Variants in FER observed in about 807,000 individuals in gnomAD.
The protein encoded by FER is FER tyrosine kinase, also known as tyrosine-protein kinase Fer.
In FER, 63 loss-of-function variants were observed where a neutral mutation model predicts 111.0. That is an observed-to-expected ratio of 0.57 (90% confidence interval 0.46 to 0.70). FER has a LOEUF of 0.70. FER is among the 30% of genes least tolerant of loss of function. The pLI, the probability that FER is intolerant of heterozygous loss-of-function variation, is 0.00. For synonymous variants in FER, 327 were observed against 313.9 expected, an observed-to-expected ratio of 1.04 and a Z score of -0.44; for missense variants, 914 against 954.0, an observed-to-expected ratio of 0.96 and a Z score of 0.55.
chr5:109,095,649 G>A (rs1481015064), intron 16 of FER, among the ~76,000 whole-genome samples: 1 of 152,064 alleles, frequency 6.6e-6, no homozygotes, highest in Non-Finnish European at 1.5e-5. Context: ...AGCATTCATT[G>A]TCGTTTATAT....
intron 17 of FER, among the ~76,000 whole-genome samples, chr5:109,170,977 C>T (rs1346112946): frequency 4.6e-5 from 7 of 152,098 alleles, no homozygotes; most frequent in Admixed American, 2.0e-4. Context: ...ACCATGGACC[C>T]GTGGTTCCTC....
chr5:109,018,907 A>C (rs1052175203), intron 13 of FER, among the ~76,000 whole-genome samples: 2 of 151,600 alleles, frequency 1.3e-5, no homozygotes, highest in African/African-American at 4.8e-5. Flanking sequence ...AACCTTGATT[A>C]CTGTGGGTAG....
At chr5:109,003,679 T>TA (rs1305192604) in intron 13 of FER, among the ~76,000 whole-genome samples, 29 of 151,704 alleles carry the variant, frequency 1.9e-4, no homozygotes, top group Non-Finnish European at 3.5e-4. Context: ...AATTTAAATT[T>TA]AAAAAATTAA....
intron 5 of FER, among the ~76,000 whole-genome samples, chr5:108,860,568 C>T (rs1346543511): frequency 2.6e-5 from 4 of 152,172 alleles, no homozygotes; most frequent in African/African-American, 9.7e-5. Context: ...TTCATTGTTT[C>T]TACATATCAC....
chr5:108,798,712 GTAGCATGTGACTGTAGTCCTAGC>G (rs752932797), intron 3 of FER, among the ~76,000 whole-genome samples: 13 of 152,280 alleles, frequency 8.5e-5, no homozygotes, highest in Non-Finnish European at 1.3e-4. Flanking sequence ...GCTGGGCGTG[GTAGCATGTGACTGTAGTCCTAGC>G]TACTTGGGAG....
At chr5:108,887,382 A>G (rs1747341210) in intron 9 of FER, among the ~76,000 whole-genome samples, 1 of 151,662 alleles carries the variant, frequency 6.6e-6, no homozygotes, top group African/African-American at 2.4e-5. Context: ...GATTCCTATA[A>G]TTGAATAATA....
At chr5:108,850,393 A>C (rs1209787112) in intron 5 of FER, among the ~76,000 whole-genome samples, 3 of 152,024 alleles carry the variant, frequency 2.0e-5, no homozygotes, top group Admixed American at 2.0e-4. Context: ...TAAATAATTG[A>C]AGTTTTTGTA....
chr5:109,162,272 G>A (rs779430654), intron 17 of FER, among the ~76,000 whole-genome samples: 27 of 151,938 alleles, frequency 1.8e-4, no homozygotes, highest in South Asian at 4.2e-4. Context: ...GAGTTCTTTC[G>A]TTTGAAAGAA....
chr5:109,176,492 G>C (rs1757705344), intron 17 of FER, among the ~76,000 whole-genome samples: 1 of 152,122 alleles, frequency 6.6e-6, no homozygotes, highest in Non-Finnish European at 1.5e-5. Flanking sequence ...GTAGAGAGGT[G>C]GGGAGGATGG....
intron 10 of FER, among the ~76,000 whole-genome samples, chr5:108,912,850 A>C (rs910155733): frequency 1.3e-5 from 2 of 152,186 alleles, no homozygotes; most frequent in Admixed American, 1.3e-4. Flanking sequence ...AGTAGCTATC[A>C]AGTGTGGTCT....
intron 5 of FER, among the ~76,000 whole-genome samples, chr5:108,845,870 A>T (rs949320429): frequency 2.6e-5 from 4 of 152,198 alleles, no homozygotes; most frequent in Non-Finnish European, 5.9e-5. Context: ...AGATAAATAG[A>T]TACCTATTTT....
At chr5:109,011,662 A>AT (rs35958224) in intron 13 of FER, among the ~76,000 whole-genome samples, 2 of 151,482 alleles carry the variant, frequency 1.3e-5, no homozygotes, top group Non-Finnish European at 2.9e-5. Context: ...TCTTGCTTTT[A>AT]TTTTTTTGAA....
chr5:109,159,904 G>A (rs1173633547), intron 17 of FER, among the ~76,000 whole-genome samples: 1 of 151,286 alleles, frequency 6.6e-6, no homozygotes, highest in Non-Finnish European at 1.5e-5. Flanking sequence ...CCATTGACTA[G>A]TTTTGATTTA....
intron 13 of FER, among the ~76,000 whole-genome samples, chr5:108,979,477 T>C (rs1007714333): frequency 4.6e-5 from 7 of 152,200 alleles, no homozygotes; most frequent in Non-Finnish European, 7.4e-5. Flanking sequence ...GTATTAAGCA[T>C]TTAAATATTA....
intron 16 of FER, among the ~76,000 whole-genome samples, chr5:109,092,923 G>T (rs982837261): frequency 8.5e-5 from 13 of 152,134 alleles, no homozygotes; most frequent in Admixed American, 7.9e-4. Flanking sequence ...ATATTATTCA[G>T]CCTTAAAGAA....
chr5:108,853,468 G>C (rs1762718166), intron 5 of FER, among the ~76,000 whole-genome samples: 1 of 152,084 alleles, frequency 6.6e-6, no homozygotes, highest in Non-Finnish European at 1.5e-5. Flanking sequence ...AGGAAGATTG[G>C]GTATTGAGAA....
intron 3 of FER, among the ~76,000 whole-genome samples, chr5:108,832,481 A>T (rs1760146688): frequency 6.6e-6 from 1 of 152,198 alleles, no homozygotes; most frequent in South Asian, 2.1e-4. Flanking sequence ...AAAACAAATG[A>T]GAAGTGAACA....
intron 13 of FER, among the ~76,000 whole-genome samples, chr5:108,963,048 A>G (rs1245168698): frequency 6.6e-6 from 1 of 152,198 alleles, no homozygotes; most frequent in African/African-American, 2.4e-5. Flanking sequence ...GTTTCTATAA[A>G]AGAAAAATTA....
At chr5:108,910,731 G>A (rs940392503) in intron 10 of FER, among the ~76,000 whole-genome samples, 7 of 151,212 alleles carry the variant, frequency 4.6e-5, no homozygotes, top group African/African-American at 1.7e-4. Flanking sequence ...GAGAACATAC[G>A]GTATTTGATT....
Sources: gnomAD v4.1 joint callset for allele counts (sites outside exome capture counted in the v4.1 genomes callset) on GRCh38, gnomAD v4.1.1 for gene constraint, MANE v1.5 for transcripts, NCBI Gene and HGNC (gene_info 2026-07-23, HGNC 2026-07-21) for gene names.